JAKMIP2: variants seen among roughly 807,000 people sequenced by gnomAD.
JAKMIP2 encodes the protein janus kinase and microtubule interacting protein 2, also known as janus kinase and microtubule-interacting protein 2.
Under a neutral mutation model 115.0 loss-of-function variants are expected in JAKMIP2, and 25 were observed. That is an observed-to-expected ratio of 0.22 (90% CI 0.16 to 0.30). The LOEUF is 0.30. Ranked by LOEUF, JAKMIP2 falls within the 10% of genes least tolerant of loss-of-function variation. JAKMIP2 has a pLI of 1.00. For missense variants in JAKMIP2, 642 were observed against 957.6 expected (o/e 0.67, Z 4.35); for synonymous variants, 334 against 343.6 (o/e 0.97, Z 0.31).
intron 1 of JAKMIP2, among the ~76,000 whole-genome samples, chr5:147,778,220 C>T (rs989287197): frequency 2.6e-5 from 4 of 152,036 alleles, no homozygotes; most frequent in Non-Finnish European, 5.9e-5. Context: ...AATGCTTCTA[C>T]GTTTTTCTGA....
intron 1 of JAKMIP2, among the ~76,000 whole-genome samples, chr5:147,680,455 C>T (rs2126830631): frequency 6.6e-6 from 1 of 152,044 alleles, no homozygotes; most frequent in Admixed American, 6.5e-5. Flanking sequence ...TGGCTGTTGC[C>T]ACTGCAATGT....
chr5:147,644,990 G>A lies in JAKMIP2; in HGVS notation c.943C>T (p.Arg315Cys), dbSNP rs761359853. 1.2e-6 allele frequency: 2 copies of A among 1,611,600 alleles called. No individual in the cohort carries two copies. The highest frequency in any genetic ancestry group is 1.7e-5 in the Admixed American group (1 of 59,326). ...LGDERNELLK[R>C]VRETEKQCKP... Reference sequence around the variant, plus strand: ...CATTGCTTTTCGGTTTCCCGCACACGTTTTAACTGGGAAGAAATAAGTGAA... The same window carrying A: ...CATTGCTTTTCGGTTTCCCGCACACATTTTAACTGGGAAGAAATAAGTGAA... The change falls in exon 6 of 22, where the codon CGT (arginine) becomes TGT (cysteine). Residue 315 changes from arginine to cysteine, a missense_variant. Transcript: ENST00000616793.
Position 147,753,520 on chromosome 5 carries a change from C to A in JAKMIP2, c.-149+28936G>T, listed in dbSNP as rs557424350. On this transcript the variant is annotated intron_variant, in intron 1 of 21. Coordinates refer to ENST00000616793, the MANE Select transcript of JAKMIP2 (RefSeq NM_001270941.2). ...GCTCCTCAGCTGCCACCGAGCGTTG[C>A]TCTGTGCAAATGCAACCACACGATA... Among the ~76,000 whole-genome samples, 33 of 152,314 alleles carry A rather than the reference C, an allele frequency of 2.2e-4. No homozygotes were observed. In the South Asian group the frequency reaches 6.4e-3, roughly 30 times the overall value.
intron 1 of JAKMIP2, among the ~76,000 whole-genome samples, chr5:147,772,722 C>T (rs1232652969): frequency 6.6e-6 from 1 of 151,984 alleles, no homozygotes; most frequent in East Asian, 1.9e-4. Context: ...CCACAAGGCT[C>T]CAGTTTGTAA....
intron 20 of JAKMIP2, among the ~76,000 whole-genome samples, chr5:147,610,338 T>G (rs1283247113): frequency 6.6e-6 from 1 of 152,236 alleles, no homozygotes; most frequent in African/African-American, 2.4e-5. Context: ...ACCTTTGGCC[T>G]TTGCTGTTGG....
intron 1 of JAKMIP2, among the ~76,000 whole-genome samples, chr5:147,677,594 T>C (rs1334477791): frequency 6.6e-6 from 1 of 152,218 alleles, no homozygotes; most frequent in Non-Finnish European, 1.5e-5. Flanking sequence ...TCTTGAATCA[T>C]CTACTCCCAA....
chr5:147,633,286 T>C (rs1473020602), intron 12 of JAKMIP2, among the ~76,000 whole-genome samples: 1 of 152,152 alleles, frequency 6.6e-6, no homozygotes, highest in Admixed American at 6.6e-5. Flanking sequence ...GCTTTCCAGT[T>C]TTAAATATTA....
At chr5:147,621,274 T>A (rs370850840) in intron 17 of JAKMIP2, among the ~76,000 whole-genome samples, 2 of 152,312 alleles carry the variant, frequency 1.3e-5, no homozygotes, top group South Asian at 2.1e-4. Flanking sequence ...CTGGGAAAAG[T>A]CAATCTGATG....
intron 21 of JAKMIP2, among the ~76,000 whole-genome samples, chr5:147,594,665 G>C (rs7713571): frequency 0.94 from 143,749 of 152,156 alleles, 68,314 homozygotes; most frequent in Non-Finnish European, 1. Context: ...ACGGTGATGT[G>C]GCTTCTGACT....
At chr5:147,716,672 G>A (rs1465854580) in intron 1 of JAKMIP2, among the ~76,000 whole-genome samples, 5 of 148,858 alleles carry the variant, frequency 3.4e-5, no homozygotes, top group Non-Finnish European at 6.0e-5. Flanking sequence ...CATGTCCTTC[G>A]CCCACTTTTT....
At position 147,668,498 on chromosome 5, in the gene JAKMIP2, C is replaced by T. The variant is rs138269463; in HGVS notation, c.129+3180G>A. 3.9e-4 allele frequency among the ~76,000 whole-genome samples: 60 copies of T among 152,206 alleles called. No homozygotes were observed. The East Asian group carries it at 0.01, about 26-fold the overall frequency. On this transcript the variant is annotated intron_variant, in intron 2 of 21. Transcript: ENST00000616793. ...GTTCTCACCTAAGTGAGTACTGTAA[C>T]GGTACTTATGCCACAGGGTTTGGGG...
At chr5:147,771,528 A>G (rs1404363023) in intron 1 of JAKMIP2, among the ~76,000 whole-genome samples, 2 of 152,108 alleles carry the variant, frequency 1.3e-5, no homozygotes, top group East Asian at 1.9e-4. Context: ...AATAGTTCCT[A>G]TTTGCTAATA....
At chr5:147,723,068 T>C (rs1395400597) in intron 1 of JAKMIP2, among the ~76,000 whole-genome samples, 3 of 152,162 alleles carry the variant, frequency 2.0e-5, no homozygotes, top group Non-Finnish European at 4.4e-5. Flanking sequence ...CTAAAGGAAA[T>C]AGTGGAAAAT....
rs79006025 is a variant in JAKMIP2, at chr5:147,666,663, A to G, written c.129+5015T>C. ...TCACTAAAGTACATTGTGGGCCAGG[A>G]GCTGGCTCCAGGTAAGTTCCTACAC... On this transcript the variant is annotated intron_variant, in intron 2 of 21. Transcript: ENST00000616793. 7.4e-3 allele frequency among the ~76,000 whole-genome samples: 1,121 copies of G among 152,336 alleles called. 50 individuals carry two copies. The East Asian group carries it at 0.13, about 17-fold the overall frequency.
chr5:147,653,378 G>C (rs992538290), intron 3 of JAKMIP2, among the ~76,000 whole-genome samples: 2 of 152,024 alleles, frequency 1.3e-5, no homozygotes, highest in Non-Finnish European at 2.9e-5. Flanking sequence ...ACCTACTGTT[G>C]CTTGACTTTT....
intron 1 of JAKMIP2, among the ~76,000 whole-genome samples, chr5:147,724,895 T>C (rs976870877): frequency 6.6e-6 from 1 of 152,154 alleles, no homozygotes; most frequent in Non-Finnish European, 1.5e-5. Flanking sequence ...CCATCTTGAA[T>C]AGGAGCTGGG....
intron 2 of JAKMIP2, among the ~76,000 whole-genome samples, chr5:147,663,963 A>G (rs1277142138): frequency 1.3e-5 from 2 of 152,208 alleles, no homozygotes; most frequent in Non-Finnish European, 2.9e-5. Context: ...CATGTAAAAT[A>G]TACTCTGGAT....
At chr5:147,713,682 C>T (rs907693544) in intron 1 of JAKMIP2, among the ~76,000 whole-genome samples, 2 of 152,100 alleles carry the variant, frequency 1.3e-5, no homozygotes, top group African/African-American at 2.4e-5. Flanking sequence ...GAGACCACAG[C>T]CAAGAACATA....
chr5:147,654,226 GTT>G (rs148458804), intron 3 of JAKMIP2, among the ~76,000 whole-genome samples: 1 of 147,702 alleles, frequency 6.8e-6, no homozygotes, highest in Admixed American at 6.8e-5. Flanking sequence ...ATTTAAAGTA[GTT>G]TTTTTTTTTT....
Sources: allele counts gnomAD v4.1 joint callset (sites outside exome capture counted in the v4.1 genomes callset), GRCh38; gene constraint gnomAD v4.1.1; transcripts MANE v1.5; gene names NCBI Gene and HGNC (gene_info 2026-07-23, HGNC 2026-07-21).